The following SRGAP1 variants were observed in gnomAD, a reference collection of about 807,000 sequenced individuals.
SRGAP1 encodes the protein SLIT-ROBO Rho GTPase-activating protein 1.
A neutral mutation model predicts 121.9 loss-of-function variants in SRGAP1; 43 were observed. The ratio of observed to expected loss-of-function variants is 0.35; its 90% CI spans 0.28 to 0.46. The LOEUF is 0.46. Among genes scored for constraint, SRGAP1 ranks in the 20% least tolerant of loss-of-function variants. The pLI is 1.00. For missense variants in SRGAP1, 1,102 were observed against 1,350.9 expected (o/e 0.82, Z 2.89); for synonymous variants, 447 against 485.4 (o/e 0.92, Z 1.04).
At chr12:64,101,699 A>T (rs1484465966) in intron 15 of SRGAP1, among the ~76,000 whole-genome samples, 1 of 152,128 alleles carries the variant, frequency 6.6e-6, no homozygotes, top group Admixed American at 6.6e-5. Flanking sequence ...CAGCTTGTAG[A>T]ATATCCCTGC....
Position 63,956,740 on chromosome 12 carries a change from T to TGCA in SRGAP1, c.68-27201_68-27199dup, listed in dbSNP as rs56011316. On this transcript the variant is annotated intron_variant, in intron 1 of 21. Coordinates refer to ENST00000355086, the MANE Select transcript of SRGAP1 (RefSeq NM_020762.4). ...CAAGGCTTTTTTTTTTTTTTTTTTT[T>TGCA]GCAGCAGCTTTATTGAGATAGAGAC... is the stretch of plus-strand genomic sequence containing the variant. Among the ~76,000 whole-genome samples the TGCA allele has an allele frequency of 1.0e-3, 150 of 145,626 alleles. 7 individuals carry two copies. In the South Asian group the frequency reaches 0.031, roughly 30 times the overall value.
At chr12:63,981,980 G>T (rs1297412815) in intron 1 of SRGAP1, among the ~76,000 whole-genome samples, 2 of 151,978 alleles carry the variant, frequency 1.3e-5, no homozygotes, top group African/African-American at 4.8e-5. Flanking sequence ...TTGGGAGGCC[G>T]AGGTGGGCGG....
intron 15 of SRGAP1, among the ~76,000 whole-genome samples, chr12:64,102,576 A>G (rs1463275528): frequency 3.3e-5 from 5 of 152,116 alleles, no homozygotes; most frequent in Admixed American, 6.6e-5. Flanking sequence ...ACTCATAACC[A>G]CCACCACCCC....
chr12:64,097,949 G>T (rs1204472346), intron 15 of SRGAP1, among the ~76,000 whole-genome samples: 1 of 152,148 alleles, frequency 6.6e-6, no homozygotes, highest in East Asian at 1.9e-4. Flanking sequence ...GTTTACTTCA[G>T]TGGGGGCTTT....
chr12:64,017,627 C>T lies in SRGAP1; in HGVS notation c.489+615C>T, dbSNP rs967812414. 1.1e-4 allele frequency among the ~76,000 whole-genome samples: 17 copies of T among 151,370 alleles called. 1 individual carries two copies. Among genetic ancestry groups the T allele is most frequent in the South Asian group, 2.1e-4 (1 of 4,770 alleles). ...CCAAGATCACACCACTGCACTCCAG[C>T]CTGGGCAACAGAGTGAGACTCTATC... On this transcript the variant is annotated intron_variant, in intron 4 of 21. Transcript: ENST00000355086.
chr12:64,097,487 A>G, intron 15 of SRGAP1, 112 bp downstream of exon 15: 1 of 1,064,190 alleles, frequency 9.4e-7, no homozygotes, highest in Non-Finnish European at 1.3e-6. Context: ...CCCCATTACC[A>G]CCATATTTCT....
chr12:63,929,596 A>G lies in SRGAP1; in HGVS notation c.68-54351A>G, dbSNP rs573718760. ...ACGAGTTTTTTTTTTTTTTTTAACT[A>G]TGTTTTCATGAGTAATACTGTATGG... On this transcript the variant is annotated intron_variant, in intron 1 of 21. Coordinates refer to ENST00000355086, the MANE Select transcript of SRGAP1 (RefSeq NM_020762.4). Among the ~76,000 whole-genome samples the G allele has an allele frequency of 2.1e-5, 3 of 145,236 alleles. No homozygotes were observed. The East Asian group carries it at 6.0e-4, about 29-fold the overall frequency.
At position 64,095,204 on chromosome 12, in the gene SRGAP1, G is replaced by C; in HGVS notation, c.1678G>C (p.Gly560Arg). The C allele has an allele frequency of 6.2e-7, 1 of 1,613,516 alleles. No homozygotes were observed. The highest frequency in any genetic ancestry group is 8.5e-7 in the Non-Finnish European group (1 of 1,179,762). ...TGATATTAAAAATTCATTTGAGAGA[G>C]GTAATTGCACGTCTATCCCTATAAG... ...VNDIKNSFER[G>R]ENPLADDQSN... Residue 560 changes from glycine (G) to arginine (R), a missense_variant and splice_region_variant, in exon 14 of 22, where the codon GGT (glycine) becomes CGT (arginine). By Grantham distance (125) the Gly-to-Arg change is moderately radical. Coordinates refer to ENST00000355086, the MANE Select transcript of SRGAP1 (RefSeq NM_020762.4).
At chr12:63,890,801 C>A (rs1047099273) in intron 1 of SRGAP1, among the ~76,000 whole-genome samples, 1 of 152,076 alleles carries the variant, frequency 6.6e-6, no homozygotes, top group African/African-American at 2.4e-5. Context: ...CTTTCCTGTC[C>A]TTTTGCACTG....
At chr12:63,871,962 G>T in intron 1 of SRGAP1, 1 of 1,082,114 alleles carries the variant, frequency 9.2e-7, no homozygotes, top group East Asian at 2.4e-5. Context: ...CTGGGCATAC[G>T]ATGAATCCTT....
At chr12:63,853,130 C>T (rs904565318) in intron 1 of SRGAP1, among the ~76,000 whole-genome samples, 2 of 151,822 alleles carry the variant, frequency 1.3e-5, no homozygotes, top group Non-Finnish European at 2.9e-5. Context: ...AGCAATTCTC[C>T]TGCCTCAGAC....
intron 1 of SRGAP1, among the ~76,000 whole-genome samples, chr12:63,859,160 T>TAAA (rs1899357535): frequency 6.6e-6 from 1 of 152,214 alleles, no homozygotes. Context: ...TGCCTTTTCT[T>TAAA]GCTGAATCTT....
Position 63,928,967 on chromosome 12 carries a change from G to A in SRGAP1, c.68-54980G>A, listed in dbSNP as rs531914669. On this transcript the variant is annotated intron_variant, in intron 1 of 21. Transcript: ENST00000355086. ...GTAACATAAGCAATGGGAAATGGCC[G>A]TAAATACAGATGAAGCTTCCCTGGC... Among the ~76,000 whole-genome samples, 12 of 152,288 alleles carry A rather than the reference G, an allele frequency of 7.9e-5. No individual in the cohort carries two copies. In the East Asian group the frequency reaches 1.9e-3, roughly 25 times the overall value.
At chr12:63,868,078 TG>T (rs1565927739) in intron 1 of SRGAP1, among the ~76,000 whole-genome samples, 4,064 of 80,056 alleles carry the variant, frequency 0.051, 192 homozygotes, top group East Asian at 0.11. Flanking sequence ...TTTTTTTTTT[TG>T]TTTTTTTTTT....
chr12:64,136,602 G>C (rs1010982469), intron 21 of SRGAP1, among the ~76,000 whole-genome samples: 1 of 152,186 alleles, frequency 6.6e-6, no homozygotes, highest in African/African-American at 2.4e-5. Context: ...AAGCTATTTT[G>C]AGTGTTCTAA....
intron 1 of SRGAP1, among the ~76,000 whole-genome samples, chr12:63,847,156 G>T (rs1370053943): frequency 6.6e-6 from 1 of 151,346 alleles, no homozygotes; most frequent in East Asian, 2.0e-4. Context: ...TTTTGGTAGA[G>T]AAACCACATC....
chr12:63,959,575 T>G (rs1003338698), intron 1 of SRGAP1, among the ~76,000 whole-genome samples: 1 of 151,626 alleles, frequency 6.6e-6, no homozygotes, highest in South Asian at 2.1e-4. Context: ...AATCCCTACT[T>G]GTGTGAGGGG....
intron 8 of SRGAP1, among the ~76,000 whole-genome samples, chr12:64,071,351 T>G (rs2035632736): frequency 6.6e-6 from 1 of 152,204 alleles, no homozygotes; most frequent in Non-Finnish European, 1.5e-5. Flanking sequence ...TTTTCTCTGA[T>G]GCACTGAGCA....
intron 10 of SRGAP1, 108 bp downstream of exon 10, chr12:64,080,478 C>T (rs1185894830): frequency 4.1e-6 from 4 of 966,082 alleles, no homozygotes; most frequent in Non-Finnish European, 6.5e-6. Flanking sequence ...AAGCAGAGGA[C>T]ACTCTGTGTT....
Sources: allele counts gnomAD v4.1 joint callset (sites outside exome capture counted in the v4.1 genomes callset), GRCh38; gene constraint gnomAD v4.1.1; transcripts MANE v1.5; gene names NCBI Gene and HGNC (gene_info 2026-07-23, HGNC 2026-07-21).